Variants in CORIN observed in about 807,000 individuals in gnomAD.
CORIN encodes the protein atrial natriuretic peptide-converting enzyme.
A neutral mutation model predicts 125.3 loss-of-function variants in CORIN; 117 were observed. That is an observed-to-expected ratio of 0.93 (90% confidence interval 0.80 to 1.09). The LOEUF (loss-of-function observed/expected upper bound fraction) is 1.09. CORIN is among the 50% of genes least tolerant of loss of function. CORIN has a pLI of 0.00. For missense variants in CORIN, 1,253 were observed against 1,306.7 expected, an observed-to-expected ratio of 0.96 and a Z score of 0.63; for synonymous variants, 450 against 466.4, an observed-to-expected ratio of 0.96 and a Z score of 0.45.
intron 16 of CORIN, among the ~76,000 whole-genome samples, chr4:47,629,438 C>CATA (rs572750811): frequency 2.0e-4 from 31 of 152,190 alleles, no homozygotes; most frequent in Admixed American, 6.5e-4. Flanking sequence ...ATTTTGGATA[C>CATA]TAACCTCATT....
chr4:47,774,031 C>A (rs1376146269), intron 3 of CORIN, among the ~76,000 whole-genome samples: 1 of 151,988 alleles, frequency 6.6e-6, no homozygotes, highest in Non-Finnish European at 1.5e-5. Flanking sequence ...AACTACCTAT[C>A]GGCATTTTCT....
chr4:47,769,659 G>A (rs1012112114), intron 3 of CORIN, among the ~76,000 whole-genome samples: 1 of 151,952 alleles, frequency 6.6e-6, no homozygotes, highest in Non-Finnish European at 1.5e-5. Context: ...CATGATATTG[G>A]GGTATAAGCA....
intron 15 of CORIN, chr4:47,642,715 G>T: frequency 1.5e-6 from 1 of 676,830 alleles, no homozygotes; most frequent in Non-Finnish European, 2.3e-6. Flanking sequence ...TTTAATTCCT[G>T]TCTGTGTAAG....
chr4:47,706,428 G>T (rs1291282529), intron 5 of CORIN: 7 of 1,609,624 alleles, frequency 4.3e-6, no homozygotes, highest in Admixed American at 1.7e-5. Flanking sequence ...CTGATGTCAC[G>T]CGCTTTCTTC....
chr4:47,815,920 C>T (rs552500586), intron 1 of CORIN, among the ~76,000 whole-genome samples: 54 of 152,224 alleles, frequency 3.5e-4, no homozygotes, highest in South Asian at 2.7e-3. Flanking sequence ...TTTCATTTAG[C>T]GCTAAGGAGG....
intron 13 of CORIN, among the ~76,000 whole-genome samples, chr4:47,646,540 C>A (rs1426475997): frequency 6.6e-6 from 1 of 152,186 alleles, no homozygotes; most frequent in African/African-American, 2.4e-5. Flanking sequence ...TAAAGTTTGA[C>A]AAGAGTCTAA....
At chr4:47,621,545 TTG>T (rs1442902973) in intron 19 of CORIN, among the ~76,000 whole-genome samples, 1 of 152,204 alleles carries the variant, frequency 6.6e-6, no homozygotes, top group East Asian at 1.9e-4. Context: ...TTGGTTTTGT[TTG>T]TTTTGTTTTG....
intron 5 of CORIN, among the ~76,000 whole-genome samples, chr4:47,732,317 C>A (rs189843132): frequency 1.8e-4 from 27 of 152,238 alleles, no homozygotes; most frequent in Non-Finnish European, 3.5e-4. Context: ...AGACAAAAGT[C>A]TTCCATTGCA....
chr4:47,751,956 G>GC (rs1017560085), intron 4 of CORIN, among the ~76,000 whole-genome samples: 2 of 151,398 alleles, frequency 1.3e-5, no homozygotes, highest in Non-Finnish European at 2.9e-5. Flanking sequence ...CTTACGTCAG[G>GC]CCCCCCCACC....
intron 5 of CORIN, among the ~76,000 whole-genome samples, chr4:47,712,214 T>A (rs763591253): frequency 5.3e-5 from 8 of 152,206 alleles, no homozygotes; most frequent in Non-Finnish European, 1.2e-4. Context: ...ATAATTAACA[T>A]AATATAGTCA....
chr4:47,660,776 C>G (rs1197304348), intron 12 of CORIN, among the ~76,000 whole-genome samples: 2 of 152,124 alleles, frequency 1.3e-5, no homozygotes, highest in African/African-American at 4.8e-5. Context: ...AGAGGCTTCT[C>G]AAAAAACTAA....
intron 1 of CORIN, among the ~76,000 whole-genome samples, chr4:47,809,993 C>T (rs1236275309): frequency 6.6e-6 from 1 of 152,210 alleles, no homozygotes; most frequent in African/African-American, 2.4e-5. Flanking sequence ...CAAATGGCAT[C>T]CCTCTTCCAC....
At chr4:47,659,459 C>T (rs146676049) in intron 12 of CORIN, among the ~76,000 whole-genome samples, 85 of 152,268 alleles carry the variant, frequency 5.6e-4, no homozygotes, top group African/African-American at 1.9e-3. Context: ...TTTACAGGAA[C>T]CATGGTGAAG....
At chr4:47,832,443 TTC>T (rs1491087095) in intron 1 of CORIN, among the ~76,000 whole-genome samples, 102 of 127,466 alleles carry the variant, frequency 8.0e-4, no homozygotes, top group South Asian at 2.8e-3. Flanking sequence ...TTCTTTTCTT[TTC>T]TTTTTTTTTT....
chr4:47,757,706 T>A (rs941508162), intron 4 of CORIN, among the ~76,000 whole-genome samples: 1 of 150,960 alleles, frequency 6.6e-6, no homozygotes, highest in Admixed American at 6.6e-5. Flanking sequence ...AAGTAAAAAA[T>A]TACCATATTA....
intron 5 of CORIN, among the ~76,000 whole-genome samples, chr4:47,716,428 G>A (rs958679386): frequency 1.3e-5 from 2 of 152,162 alleles, no homozygotes; most frequent in African/African-American, 4.8e-5. Flanking sequence ...TACAACTTCT[G>A]CAACTCAAAG....
At chr4:47,783,721 TA>T (rs957798378) in intron 3 of CORIN, among the ~76,000 whole-genome samples, 1 of 152,084 alleles carries the variant, frequency 6.6e-6, no homozygotes, top group African/African-American at 2.4e-5. Flanking sequence ...ATATTTTAAG[TA>T]AAACTGGTGA....
chr4:47,776,460 T>C (rs1217000658), intron 3 of CORIN, among the ~76,000 whole-genome samples: 1 of 152,168 alleles, frequency 6.6e-6, no homozygotes, highest in African/African-American at 2.4e-5. Context: ...TCCCATATTA[T>C]TCATTTAAAA....
At chr4:47,686,000 A>G (rs1725496226) in intron 6 of CORIN, among the ~76,000 whole-genome samples, 1 of 149,052 alleles carries the variant, frequency 6.7e-6, no homozygotes, top group South Asian at 2.2e-4. Context: ...CTCCTCAAGC[A>G]GAAGCCTGTA....
Sources: allele counts gnomAD v4.1 joint callset (sites outside exome capture counted in the v4.1 genomes callset), GRCh38; gene constraint gnomAD v4.1.1; transcripts MANE v1.5; gene names NCBI Gene and HGNC (gene_info 2026-07-23, HGNC 2026-07-21).